The following PCDHGB2 variants were observed in gnomAD, a reference collection of about 807,000 sequenced individuals.
PCDHGB2 encodes the protein protocadherin gamma subfamily B, 2.
A neutral mutation model predicts 59.3 loss-of-function variants in PCDHGB2; 55 were observed. The ratio of observed to expected loss-of-function variants is 0.93; its 90% CI spans 0.75 to 1.16. The LOEUF (loss-of-function observed/expected upper bound fraction) is 1.16, where lower values mean the gene tolerates loss of function less well. Ranked by LOEUF, PCDHGB2 falls within the 50% of genes most tolerant of loss-of-function variation. The pLI, the probability that PCDHGB2 is intolerant of heterozygous loss-of-function variation, is 0.00. For missense variants in PCDHGB2, 1,228 were observed against 1,198.5 expected, an observed-to-expected ratio of 1.02 and a Z score of -0.36; for synonymous variants, 516 against 512.0, an observed-to-expected ratio of 1.01 and a Z score of -0.11.
intron 1 of PCDHGB2, chr5:141,478,196 C>T: frequency 6.2e-7 from 1 of 1,614,068 alleles, no homozygotes; most frequent in Middle Eastern, 1.6e-4. Context: ...CACCTTTTAT[C>T]TACTTCTTTC....
chr5:141,399,138 T>C (rs757310717), intron 1 of PCDHGB2: 3 of 1,613,774 alleles, frequency 1.9e-6, no homozygotes, highest in Non-Finnish European at 2.5e-6. Context: ...AAGATGAAAA[T>C]GACAATAGCC....
intron 1 of PCDHGB2, chr5:141,382,870 C>A (rs760530453): frequency 2.0e-6 from 3 of 1,519,788 alleles, no homozygotes; most frequent in East Asian, 4.5e-5. Flanking sequence ...TTCCCGAGAT[C>A]GGCGCCTAAG....
intron 1 of PCDHGB2, chr5:141,433,169 C>T: frequency 6.2e-7 from 1 of 1,613,000 alleles, no homozygotes; most frequent in Non-Finnish European, 8.5e-7. Context: ...TAAAGACAGT[C>T]ATGGGTTAAT....
At chr5:141,375,541 A>C (rs566370523) in intron 1 of PCDHGB2, 1 of 1,613,904 alleles carries the variant, frequency 6.2e-7, no homozygotes, top group South Asian at 1.1e-5. Flanking sequence ...AGAACGCCCA[A>C]GTCTCCTACT....
In PCDHGB2 at chr5:141,408,496, G is replaced by C. The variant is rs758752081; in HGVS notation, c.2421+45940G>C. On this transcript the variant is annotated intron_variant, in intron 1 of 3. Coordinates refer to ENST00000522605, the MANE Select transcript of PCDHGB2 (RefSeq NM_018923.3). The stretch of plus-strand genomic sequence containing the variant: ...TAGACCGTGAGCAAATATGCAAAGA[G>C]AGAAGAAGATGTGAGTTGCAATTGG... 21 of 1,613,960 alleles carry C rather than the reference G, an allele frequency of 1.3e-5. No individual in the cohort carries two copies. In the East Asian group the frequency reaches 1.3e-4, roughly 10 times the overall value.
In PCDHGB2 at chr5:141,438,327, A is replaced by G. The variant is rs369043587; in HGVS notation, c.2422-56480A>G. 1.5e-4 allele frequency among the ~76,000 whole-genome samples: 23 copies of G among 152,106 alleles called. No homozygotes were observed. The East Asian group carries it at 4.1e-3, about 27-fold the overall frequency. ...TTGGTACCACCATAATTTTTCTTAT[A>G]CATGTCATATAAGGATCTACTCTGT... On this transcript the variant is annotated intron_variant, in intron 1 of 3. Transcript: ENST00000522605.
At chr5:141,422,446 A>G in intron 1 of PCDHGB2, 1 of 1,610,700 alleles carries the variant, frequency 6.2e-7, no homozygotes, top group South Asian at 1.1e-5. Context: ...CAAATTGATA[A>G]CAAGCAGAGT....
At chr5:141,495,071 C>A (rs1391869079) in intron 2 of PCDHGB2, among the ~76,000 whole-genome samples, 1 of 152,160 alleles carries the variant, frequency 6.6e-6, no homozygotes, top group Non-Finnish European at 1.5e-5. Flanking sequence ...AAGCTCAATT[C>A]ACATGCTTGC....
At chr5:141,382,121 C>T (rs1437558526) in intron 1 of PCDHGB2, among the ~76,000 whole-genome samples, 1 of 152,068 alleles carries the variant, frequency 6.6e-6, no homozygotes, top group African/African-American at 2.4e-5. Flanking sequence ...AGCAACAGCA[C>T]CTGGCCCCCC....
Position 141,426,411 on chromosome 5 carries a change from C to A in PCDHGB2, c.2421+63855C>A, listed in dbSNP as rs1561821998. 10 of 286,096 alleles carry A rather than the reference C, an allele frequency of 3.5e-5. No homozygotes were observed. In the South Asian group the frequency reaches 3.7e-4, roughly 11 times the overall value. The allele number at this position is 286,096 out of a possible 1,614,324, so 17.7% of individuals were successfully genotyped here. On this transcript the variant is annotated intron_variant, in intron 1 of 3. Coordinates refer to ENST00000522605, the MANE Select transcript of PCDHGB2 (RefSeq NM_018923.3). ...GCTACTCTATTCCAGAAGAAACGGT[C>A]CAGGGCTCCGTGGTGGGGAACCTTG... is the stretch of plus-strand genomic sequence containing the variant.
chr5:141,431,984 G>A lies in PCDHGB2; in HGVS notation c.2422-62823G>A, dbSNP rs758365921. 2 of 1,614,220 alleles carry A rather than the reference G, an allele frequency of 1.2e-6. No individual in the cohort carries two copies. The highest frequency in any genetic ancestry group is 2.2e-5 in the South Asian group (2 of 91,086). On this transcript the variant is annotated intron_variant, in intron 1 of 3. Transcript: ENST00000522605. The surrounding 1 kb of genome is among the most constrained non-coding windows in gnomAD (Gnocchi z 4.8). ...TTACTATAGTTTAGTCACAGACATAGTCTTGGATAGGGAACAGGTTCCTAG... is the reference window on the plus strand; with the variant it reads ...TTACTATAGTTTAGTCACAGACATAATCTTGGATAGGGAACAGGTTCCTAG...
chr5:141,365,651 A>C (rs774193854), intron 1 of PCDHGB2: 53 of 1,613,528 alleles, frequency 3.3e-5, no homozygotes, highest in Non-Finnish European at 4.3e-5. Flanking sequence ...CATCCCCTTG[A>C]AAGTAGCAGA....
At chr5:141,492,954 A>G (rs2099745299) in intron 1 of PCDHGB2, among the ~76,000 whole-genome samples, 1 of 152,212 alleles carries the variant, frequency 6.6e-6, no homozygotes, top group Non-Finnish European at 1.5e-5. Context: ...TGACCAAACT[A>G]TCTGACACTC....
intron 1 of PCDHGB2, chr5:141,393,324 CA>C (rs2092729145): frequency 6.2e-7 from 1 of 1,611,096 alleles, no homozygotes; most frequent in African/African-American, 1.4e-5. Context: ...CCAGAGCTAC[CA>C]GCTCAGCCCC....
chr5:141,488,572 T>C (rs888054788), intron 1 of PCDHGB2, among the ~76,000 whole-genome samples: 28 of 152,212 alleles, frequency 1.8e-4, no homozygotes, highest in African/African-American at 6.8e-4. Flanking sequence ...CCGCAAAGCA[T>C]TGCTGGAGAG....
In PCDHGB2 at chr5:141,432,177, CTG is replaced by C. The variant is rs769631339; in HGVS notation, c.2422-62627_2422-62626del. 4 of 1,614,102 alleles carry C rather than the reference CTG, an allele frequency of 2.5e-6. No homozygotes were observed. Among genetic ancestry groups the C allele is most frequent in the Admixed American group, 1.7e-5 (1 of 60,012 alleles). ...AATCCCAGAGGAGTTTCCCTCGTCT[CTG>C]TGACCGCCCACGACCCCGACTGTGA... On this transcript the variant is annotated intron_variant, in intron 1 of 3. Transcript: ENST00000522605. The surrounding 1 kb of genome is among the most constrained non-coding windows in gnomAD (Gnocchi z 6.0).
At chr5:141,410,849 CT>C (rs759346998) in intron 1 of PCDHGB2, 9,989 of 137,410 alleles carry the variant, frequency 0.073, 1 homozygote, top group South Asian at 0.15. Context: ...TTGTCTTTGT[CT>C]TTTTTTTTTT....
chr5:141,400,448 A>G (rs750585724), intron 1 of PCDHGB2: 1 of 1,614,078 alleles, frequency 6.2e-7, no homozygotes, highest in Non-Finnish European at 8.5e-7. Flanking sequence ...TCAGGACAAG[A>G]CATACTTTGT....
rs2099642802 is a variant in PCDHGB2, at chr5:141,487,311, CTAAG to C, written c.2422-7494_2422-7491del. The C allele has an allele frequency of 1.2e-6, 2 of 1,614,058 alleles. No individual in the cohort carries two copies. On this transcript the variant is annotated intron_variant, in intron 1 of 3. Coordinates refer to ENST00000522605, the MANE Select transcript of PCDHGB2 (RefSeq NM_018923.3). This position sits in a 1 kb window ranked among gnomAD's most constrained non-coding sequence, Gnocchi z 5.0. ...TTTGGCTCATTCGTGGCACTACTCTCTAAGTGTCTTCGTGGGGCAGCCTGTGGAG... is the reference window on the plus strand; with the variant it reads ...TTTGGCTCATTCGTGGCACTACTCTCTGTCTTCGTGGGGCAGCCTGTGGAG...
Sources: allele counts gnomAD v4.1 joint callset (sites outside exome capture counted in the v4.1 genomes callset), GRCh38; gene constraint gnomAD v4.1.1; non-coding constraint Gnocchi (gnomAD v3.1); transcripts MANE v1.5; gene names NCBI Gene and HGNC (gene_info 2026-07-23, HGNC 2026-07-21).